Variants in ZFHX3 observed in about 807,000 individuals in gnomAD.
The protein encoded by ZFHX3 is zinc finger homeobox 3, also known as zinc finger homeobox protein 3.
ZFHX3 carries 42 observed loss-of-function variants against 279.1 expected under a neutral mutation model. The ratio of observed to expected loss-of-function variants is 0.15; its 90% CI spans 0.12 to 0.19. The LOEUF (loss-of-function observed/expected upper bound fraction) is 0.19, where lower values mean the gene tolerates loss of function less well. Among genes scored for constraint, ZFHX3 ranks in the 10% least tolerant of loss-of-function variants. ZFHX3 has a pLI of 1.00. For missense variants in ZFHX3, 4,981 were observed against 4,754.0 expected (o/e 1.05, Z -1.40); for synonymous variants, 2,293 against 1,957.8 (o/e 1.17, Z -4.52).
intron 7 of ZFHX3, among the ~76,000 whole-genome samples, chr16:73,103,000 C>G (rs113610291): frequency 0.013 from 2,033 of 152,210 alleles, 51 homozygotes; most frequent in African/African-American, 0.046. Context: ...TCTCAGCTCA[C>G]TGCAACCTGC....
intron 2 of ZFHX3, among the ~76,000 whole-genome samples, chr16:73,575,047 T>C (rs150355139): frequency 1.2e-4 from 18 of 152,336 alleles, no homozygotes; most frequent in African/African-American, 4.1e-4. Context: ...GTTTTGTGTG[T>C]TTGATTAGTT....
chr16:73,162,479 A>G (rs1967262766), intron 5 of ZFHX3, among the ~76,000 whole-genome samples: 1 of 152,254 alleles, frequency 6.6e-6, no homozygotes. Flanking sequence ...CAATGTAATA[A>G]TTATAGAAAT....
chr16:73,493,718 T>G (rs2019090834), intron 2 of ZFHX3, among the ~76,000 whole-genome samples: 1 of 152,096 alleles, frequency 6.6e-6, no homozygotes, highest in African/African-American at 2.4e-5. Context: ...ATTTCCTAGC[T>G]GTTGAGAAGA....
chr16:73,148,907 G>A (rs1425643764), intron 5 of ZFHX3, among the ~76,000 whole-genome samples: 2 of 151,646 alleles, frequency 1.3e-5, no homozygotes, highest in African/African-American at 2.4e-5. Context: ...AGATGGTACC[G>A]CTGCACTCCA....
chr16:73,723,863 G>T (rs1345059053), intron 1 of ZFHX3, among the ~76,000 whole-genome samples: 1 of 152,124 alleles, frequency 6.6e-6, no homozygotes, highest in Non-Finnish European at 1.5e-5. Context: ...GAAGGGTGAG[G>T]AAGAGGATGA....
intron 8 of ZFHX3, among the ~76,000 whole-genome samples, chr16:73,072,659 G>T (rs1307807250): frequency 1.3e-5 from 2 of 152,014 alleles, no homozygotes; most frequent in Non-Finnish European, 2.9e-5. Context: ...CCAACACCTG[G>T]GCTGAAGCAG....
chr16:73,653,687 A>C (rs2142168004), intron 2 of ZFHX3, among the ~76,000 whole-genome samples: 1 of 152,262 alleles, frequency 6.6e-6, no homozygotes, highest in South Asian at 2.1e-4. Flanking sequence ...CCCACCCAAA[A>C]CAAACAAAAG....
chr16:73,751,661 C>A (rs1036821689), intron 1 of ZFHX3, among the ~76,000 whole-genome samples: 3 of 152,022 alleles, frequency 2.0e-5, no homozygotes, highest in African/African-American at 7.3e-5. Context: ...GTTTTATAGG[C>A]CTATCTTCTC....
chr16:72,909,170 T>C (rs1036395475), intron 3 of ZFHX3, among the ~76,000 whole-genome samples: 1 of 152,156 alleles, frequency 6.6e-6, no homozygotes, highest in Non-Finnish European at 1.5e-5. Flanking sequence ...TTAGTCCCAG[T>C]TTTCCTAGAA....
At chr16:73,172,411 C>T (rs1212876488) in intron 5 of ZFHX3, among the ~76,000 whole-genome samples, 1 of 152,196 alleles carries the variant, frequency 6.6e-6, no homozygotes. Context: ...CCCATGCCAC[C>T]GTCCCTCAAA....
At chr16:73,321,345 G>T (rs2015570467) in intron 3 of ZFHX3, among the ~76,000 whole-genome samples, 1 of 152,160 alleles carries the variant, frequency 6.6e-6, no homozygotes, top group Admixed American at 6.5e-5. Context: ...ACCTCTCTGA[G>T]CCCCAGTTTT....
At chr16:73,574,033 C>T (rs1490057920) in intron 2 of ZFHX3, among the ~76,000 whole-genome samples, 2 of 152,038 alleles carry the variant, frequency 1.3e-5, no homozygotes, top group South Asian at 4.2e-4. Context: ...TGAAATAATG[C>T]CAGCTTTGTC....
intron 4 of ZFHX3, among the ~76,000 whole-genome samples, chr16:73,296,138 T>A (rs2014904549): frequency 6.6e-6 from 1 of 152,134 alleles, no homozygotes; most frequent in African/African-American, 2.4e-5. Flanking sequence ...GACTTTTGCA[T>A]ATTCTGTTTG....
At chr16:73,681,945 T>C (rs879870572) in intron 1 of ZFHX3, among the ~76,000 whole-genome samples, 2 of 152,236 alleles carry the variant, frequency 1.3e-5, no homozygotes, top group Non-Finnish European at 2.9e-5. Flanking sequence ...GGGTATCTAA[T>C]AAATAGGGAT....
At chr16:73,883,012 A>C (rs2030221839) in intron 1 of ZFHX3, among the ~76,000 whole-genome samples, 1 of 146,844 alleles carries the variant, frequency 6.8e-6, no homozygotes, top group South Asian at 2.2e-4. Context: ...TGAGATTATT[A>C]TTTTTAGTCA....
chr16:73,038,442 C>T lies in ZFHX3; in HGVS notation c.-50+9310G>A, dbSNP rs527258075. On this transcript the variant is annotated intron_variant, in intron 1 of 9. Coordinates refer to ENST00000268489, the MANE Select transcript of ZFHX3 (RefSeq NM_006885.4). ...TCAGTAACAGTAGAAAACGACCTGA[C>T]GTCATGGCTGCAAAGGCCCAGAATC... Among the ~76,000 whole-genome samples the T allele has an allele frequency of 1.1e-4, 16 of 152,298 alleles. No individual in the cohort carries two copies. In the South Asian group the frequency reaches 2.5e-3, roughly 24 times the overall value.
At chr16:73,351,444 G>A (rs190693801) in intron 3 of ZFHX3, among the ~76,000 whole-genome samples, 47 of 152,300 alleles carry the variant, frequency 3.1e-4, no homozygotes, top group Admixed American at 6.5e-4. Flanking sequence ...TTTAAACGCT[G>A]CTGGTCAGCC....
chr16:73,244,992 C>G (rs1716889487), intron 5 of ZFHX3, among the ~76,000 whole-genome samples: 2 of 152,224 alleles, frequency 1.3e-5, no homozygotes, highest in African/African-American at 4.8e-5. Flanking sequence ...CCTATATTAA[C>G]AGAGCCCAGC....
intron 5 of ZFHX3, among the ~76,000 whole-genome samples, chr16:73,179,985 C>T (rs1002368194): frequency 1.3e-5 from 2 of 152,134 alleles, no homozygotes; most frequent in Non-Finnish European, 2.9e-5. Flanking sequence ...ACACAGCAGG[C>T]CCAGCTTTAG....
Sources: gnomAD v4.1 joint callset for allele counts (sites outside exome capture counted in the v4.1 genomes callset) on GRCh38, gnomAD v4.1.1 for gene constraint, MANE v1.5 for transcripts, NCBI Gene and HGNC (gene_info 2026-07-23, HGNC 2026-07-21) for gene names.